The following SPECC1 variants were observed in gnomAD, a reference collection of about 807,000 sequenced individuals.
The protein encoded by SPECC1 is sperm antigen with calponin homology and coiled-coil domains 1, also known as cytospin-B.
In SPECC1, 62 loss-of-function variants were observed where a neutral mutation model predicts 104.1. The ratio of observed to expected loss-of-function variants is 0.60; its 90% CI spans 0.49 to 0.74. SPECC1 has a LOEUF of 0.74. Among genes scored for constraint, SPECC1 ranks in the 30% least tolerant of loss-of-function variants. The pLI is 0.00. For synonymous variants in SPECC1, 513 were observed against 501.6 expected, an observed-to-expected ratio of 1.02 and a Z score of -0.30; for missense variants, 1,306 against 1,310.5, an observed-to-expected ratio of 1.00 and a Z score of 0.05.
intron 3 of SPECC1, among the ~76,000 whole-genome samples, chr17:20,146,595 A>G (rs2031482820): frequency 1.3e-5 from 2 of 152,156 alleles, no homozygotes; most frequent in African/African-American, 4.8e-5. Context: ...ATCTTATGAT[A>G]AGAATATGTT....
At chr17:20,238,060 T>C (rs1167328267) in intron 7 of SPECC1, 1 of 1,023,410 alleles carries the variant, frequency 9.8e-7, no homozygotes, top group Non-Finnish European at 1.2e-6. Flanking sequence ...GGGGTCTTGA[T>C]TGAGCCCCTT....
chr17:20,072,633 A>G (rs891582564), intron 1 of SPECC1, among the ~76,000 whole-genome samples: 2 of 152,246 alleles, frequency 1.3e-5, no homozygotes, highest in Non-Finnish European at 2.9e-5. Context: ...TCTGTCCATT[A>G]GAATGACAGA....
chr17:20,293,753 G>T (rs2041248407), intron 12 of SPECC1, among the ~76,000 whole-genome samples: 1 of 152,206 alleles, frequency 6.6e-6, no homozygotes, highest in South Asian at 2.1e-4. Context: ...CTCTTGCAAG[G>T]CCCCTGCTTA....
chr17:20,064,135 A>G (rs566963245), intron 1 of SPECC1, among the ~76,000 whole-genome samples: 417 of 152,332 alleles, frequency 2.7e-3, no homozygotes, highest in African/African-American at 9.5e-3. Context: ...GGAAAAAACC[A>G]CGAAGAGACA....
intron 1 of SPECC1, among the ~76,000 whole-genome samples, chr17:20,094,884 G>A (rs1042239753): frequency 1.3e-5 from 2 of 152,182 alleles, no homozygotes; most frequent in South Asian, 2.1e-4. Flanking sequence ...ACAGGCATGA[G>A]CCACTGTGCC....
intron 1 of SPECC1, among the ~76,000 whole-genome samples, chr17:20,041,515 T>C (rs898969325): frequency 2.4e-4 from 36 of 152,074 alleles, no homozygotes; most frequent in African/African-American, 8.5e-4. Flanking sequence ...GTGCAGGGAT[T>C]ACAGGCTGTG....
chr17:20,211,614 C>T (rs1205652832), intron 4 of SPECC1, among the ~76,000 whole-genome samples: 1 of 152,238 alleles, frequency 6.6e-6, no homozygotes, highest in Admixed American at 6.5e-5. Flanking sequence ...GGCATGTGGC[C>T]CGGAACTCAT....
At chr17:20,083,790 T>C (rs992409821) in intron 1 of SPECC1, among the ~76,000 whole-genome samples, 1 of 152,246 alleles carries the variant, frequency 6.6e-6, no homozygotes, top group Non-Finnish European at 1.5e-5. Context: ...ATATGTTTAA[T>C]TTTTAAGAAA....
At chr17:20,270,234 C>CTA (rs1488408945) in intron 12 of SPECC1, among the ~76,000 whole-genome samples, 2 of 151,710 alleles carry the variant, frequency 1.3e-5, no homozygotes, top group Non-Finnish European at 2.9e-5. Flanking sequence ...AGCCACTGAA[C>CTA]TATACACTTT....
chr17:20,156,180 GC>G, intron 3 of SPECC1: 1 of 1,443,718 alleles, frequency 6.9e-7, no homozygotes, highest in Non-Finnish European at 9.1e-7. Flanking sequence ...GCCGGCTGGT[GC>G]CCGAGTCGGC....
At chr17:20,233,313 C>T (rs904154924) in intron 7 of SPECC1, among the ~76,000 whole-genome samples, 1 of 152,142 alleles carries the variant, frequency 6.6e-6, no homozygotes, top group Non-Finnish European at 1.5e-5. Context: ...GTGGCTAGCT[C>T]CTGAGCCTTT....
chr17:20,317,957 G>C lies in SPECC1; in HGVS notation c.*3892G>C, dbSNP rs1241862931. On this transcript the variant is annotated 3_prime_UTR_variant, in exon 15 of 15. Coordinates refer to ENST00000395527, the MANE Select transcript of SPECC1 (RefSeq NM_001243439.2). ...AGGGTTTTTAGGTCTGTTTTTAACA[G>C]AGCTCAGAGCACCAGGTGAAGGTGG... 4.4e-6 allele frequency: 1 copy of C among 226,632 alleles called. No homozygotes were observed. Among genetic ancestry groups the C allele is most frequent in the African/African-American group, 2.2e-5 (1 of 44,944 alleles). The allele number at this position is 226,632 out of a possible 1,614,324, so 14.0% of individuals were successfully genotyped here. A position where few individuals can be genotyped will look rare whatever the true frequency, so the allele number is the denominator to read the frequency against.
At chr17:20,250,111 A>G (rs1042253260) in intron 9 of SPECC1, among the ~76,000 whole-genome samples, 1 of 152,246 alleles carries the variant, frequency 6.6e-6, no homozygotes, top group Non-Finnish European at 1.5e-5. Flanking sequence ...CTTCTCAAGA[A>G]GAATGATGGA....
intron 1 of SPECC1, among the ~76,000 whole-genome samples, chr17:20,088,761 T>C (rs2047281767): frequency 6.6e-6 from 1 of 152,120 alleles, no homozygotes; most frequent in Non-Finnish European, 1.5e-5. Context: ...TGTCTGAATG[T>C]TGATGTACCC....
At chr17:20,031,035 C>T (rs1013491792) in intron 1 of SPECC1, among the ~76,000 whole-genome samples, 12 of 152,196 alleles carry the variant, frequency 7.9e-5, no homozygotes, top group Non-Finnish European at 1.5e-4. Flanking sequence ...TGCTCTGTCG[C>T]CCAGGCTGGA....
intron 1 of SPECC1, among the ~76,000 whole-genome samples, chr17:20,028,490 G>GA (rs547982651): frequency 6.6e-6 from 1 of 151,384 alleles, no homozygotes; most frequent in African/African-American, 2.4e-5. Flanking sequence ...AAAAAAAAAA[G>GA]AAAAAAATAG....
intron 3 of SPECC1, chr17:20,156,183 C>T: frequency 6.9e-7 from 1 of 1,445,642 alleles, no homozygotes; most frequent in Non-Finnish European, 9.1e-7. Context: ...GGCTGGTGCC[C>T]GAGTCGGCCA....
chr17:20,095,337 T>C (rs1465445485), intron 1 of SPECC1, among the ~76,000 whole-genome samples: 3 of 152,220 alleles, frequency 2.0e-5, no homozygotes, highest in Non-Finnish European at 2.9e-5. Context: ...CATTAATAGT[T>C]TTCCTTGGAA....
rs746874979 is a variant in SPECC1, at chr17:20,159,479, C to T, written c.284-44854C>T. ...AAGAGTAAAGAGGTAAAATCCCCAT[C>T]TGAGACCCGCTGTAGGCGTTGAGAT... is the stretch of plus-strand genomic sequence containing the variant. On this transcript the variant is annotated intron_variant, in intron 3 of 14. Coordinates refer to ENST00000395527, the MANE Select transcript of SPECC1 (RefSeq NM_001243439.2). 1.3e-5 allele frequency among the ~76,000 whole-genome samples: 2 copies of T among 152,206 alleles called. 1 individual carries two copies. Among genetic ancestry groups the T allele is most frequent in the Non-Finnish European group, 2.9e-5 (2 of 68,032 alleles).
Sources: gnomAD v4.1 joint callset for allele counts (sites outside exome capture counted in the v4.1 genomes callset) on GRCh38, gnomAD v4.1.1 for gene constraint, MANE v1.5 for transcripts, NCBI Gene and HGNC (gene_info 2026-07-23, HGNC 2026-07-21) for gene names.